Variants in DPP10 observed in about 807,000 individuals in gnomAD.
DPP10 encodes the protein inactive dipeptidyl peptidase 10.
Under a neutral mutation model 120.9 loss-of-function variants are expected in DPP10, and 33 were observed. The observed-to-expected ratio is 0.27, with a 90% CI of 0.21 to 0.37. The LOEUF (loss-of-function observed/expected upper bound fraction) is 0.37. DPP10 is among the 10% of genes least tolerant of loss of function. The pLI is 1.00. For missense variants in DPP10, 816 were observed against 942.8 expected, an observed-to-expected ratio of 0.87 and a Z score of 1.76; for synonymous variants, 337 against 326.1, an observed-to-expected ratio of 1.03 and a Z score of -0.36.
At chr2:114,853,179 G>C (rs1689102844) in intron 1 of DPP10, among the ~76,000 whole-genome samples, 1 of 152,178 alleles carries the variant, frequency 6.6e-6, no homozygotes, top group Non-Finnish European at 1.5e-5. Flanking sequence ...ATGATCTCTG[G>C]TAAGGGGCTT....
At chr2:115,611,105 G>A (rs559471958) in intron 5 of DPP10, among the ~76,000 whole-genome samples, 4 of 152,236 alleles carry the variant, frequency 2.6e-5, no homozygotes, top group South Asian at 2.1e-4. Context: ...CTCTGGAATT[G>A]TAGTGCATTT....
At chr2:115,191,060 G>C (rs1434145444) in intron 1 of DPP10, among the ~76,000 whole-genome samples, 2 of 152,154 alleles carry the variant, frequency 1.3e-5, no homozygotes, top group African/African-American at 4.8e-5. Flanking sequence ...GTCCTTCCCT[G>C]AGACTTCTGC....
chr2:115,538,814 A>C (rs2148954390), intron 5 of DPP10, among the ~76,000 whole-genome samples: 1 of 152,124 alleles, frequency 6.6e-6, no homozygotes, highest in Middle Eastern at 3.4e-3. Flanking sequence ...TCTATTGAGG[A>C]CTTGAAATGT....
chr2:114,562,934 C>G, intron 1 of DPP10, among the ~76,000 whole-genome samples: 1 of 152,164 alleles, frequency 6.6e-6, no homozygotes, highest in East Asian at 1.9e-4. Flanking sequence ...TTTAACTGTT[C>G]CATGGAAGCT....
In DPP10 at chr2:115,343,841, C is replaced by T. The variant is rs201138141; in HGVS notation, c.200C>T (p.Thr67Ile). 67 of 1,611,596 alleles carry T rather than the reference C, an allele frequency of 4.2e-5. No homozygotes were observed. The highest frequency in any genetic ancestry group is 5.3e-5 in the Non-Finnish European group (63 of 1,179,000). ...GATGAACTCACAAATTCGTCAGAAACCAGATTGTCTTTGGAAGACCTCTTT... is the reference window on the plus strand; with the variant it reads ...GATGAACTCACAAATTCGTCAGAAATCAGATTGTCTTTGGAAGACCTCTTT... ...TPDELTNSSE[T>I]RLSLEDLFRK... The change falls in exon 3 of 26, where the codon ACC becomes ATC. Residue 67 changes from threonine to isoleucine, a missense_variant. Transcript: ENST00000410059.
chr2:115,287,938 G>T (rs1222013767), intron 1 of DPP10, among the ~76,000 whole-genome samples: 2 of 152,004 alleles, frequency 1.3e-5, no homozygotes, highest in Non-Finnish European at 2.9e-5. Flanking sequence ...ACTTGGATTG[G>T]TTCTATATCT....
At chr2:115,058,181 A>T (rs181659183) in intron 1 of DPP10, among the ~76,000 whole-genome samples, 97 of 151,270 alleles carry the variant, frequency 6.4e-4, no homozygotes, top group African/African-American at 2.2e-3. Context: ...TTGATATCAT[A>T]GAACTTTCTT....
At chr2:115,480,800 T>A (rs907316373) in intron 3 of DPP10, among the ~76,000 whole-genome samples, 2 of 152,124 alleles carry the variant, frequency 1.3e-5, no homozygotes, top group Non-Finnish European at 2.9e-5. Flanking sequence ...AAAAATTGTA[T>A]GCGAAAAAAA....
chr2:115,232,779 A>G (rs1190684206), intron 1 of DPP10, among the ~76,000 whole-genome samples: 1 of 152,156 alleles, frequency 6.6e-6, no homozygotes, highest in Non-Finnish European at 1.5e-5. Flanking sequence ...AAACATTAAT[A>G]TTTTCTGGTA....
chr2:115,063,774 G>A (rs1258963342), intron 1 of DPP10, among the ~76,000 whole-genome samples: 1 of 152,140 alleles, frequency 6.6e-6, no homozygotes, highest in African/African-American at 2.4e-5. Context: ...ACTCAAGATG[G>A]ATTAAAGACT....
At position 114,844,462 on chromosome 2, in the gene DPP10, G is replaced by A. The variant is rs1352777485; in HGVS notation, c.60+401624G>A. ...GTATTACCAGGTTCTTGCTAAGGTT[G>A]AGAAATTCCCTTTTTGTGAATACAA... is the stretch of plus-strand genomic sequence containing the variant. On this transcript the variant is annotated intron_variant, in intron 1 of 25. Coordinates refer to ENST00000410059, the MANE Select transcript of DPP10 (RefSeq NM_020868.6). Among the ~76,000 whole-genome samples the A allele has an allele frequency of 5.3e-5, 8 of 151,470 alleles. No individual in the cohort carries two copies. The Admixed American group carries it at 5.3e-4, about 10-fold the overall frequency.
intron 1 of DPP10, among the ~76,000 whole-genome samples, chr2:114,789,781 T>A (rs1323261152): frequency 5.3e-5 from 8 of 152,236 alleles, no homozygotes; most frequent in Non-Finnish European, 1.0e-4. Flanking sequence ...CCCAAGGCAG[T>A]GTGATATACA....
chr2:115,502,996 C>T, intron 4 of DPP10, among the ~76,000 whole-genome samples: 1 of 151,994 alleles, frequency 6.6e-6, no homozygotes, highest in East Asian at 1.9e-4. Context: ...AGTCACAGAG[C>T]TTGGCCCCCT....
chr2:115,819,902 G>A (rs964808784), intron 21 of DPP10, among the ~76,000 whole-genome samples: 2 of 152,232 alleles, frequency 1.3e-5, no homozygotes, highest in Non-Finnish European at 2.9e-5. Context: ...GCTGAGGCAG[G>A]AGAATCGCTT....
chr2:114,942,400 C>CTCATATAT (rs1697025022), intron 1 of DPP10, among the ~76,000 whole-genome samples: 1 of 99,376 alleles, frequency 1.0e-5, no homozygotes, highest in Non-Finnish European at 2.2e-5. Flanking sequence ...TACACACACA[C>CTCATATAT]ACATATATAT....
At chr2:114,894,941 T>G (rs1158594233) in intron 1 of DPP10, among the ~76,000 whole-genome samples, 1 of 152,160 alleles carries the variant, frequency 6.6e-6, no homozygotes, top group Non-Finnish European at 1.5e-5. Context: ...ACTAATTCAG[T>G]TGAGTAAAAA....
intron 1 of DPP10, among the ~76,000 whole-genome samples, chr2:114,767,305 A>T (rs1258891669): frequency 6.8e-6 from 1 of 147,324 alleles, no homozygotes; most frequent in South Asian, 2.1e-4. Context: ...TATATATATA[A>T]ATATATAATA....
Position 114,446,914 on chromosome 2 carries a change from G to A in DPP10, c.60+4076G>A, listed in dbSNP as rs557735426. Among the ~76,000 whole-genome samples, 969 of 152,254 alleles carry A rather than the reference G, an allele frequency of 6.4e-3. 3 individuals carry two copies. Among genetic ancestry groups the A allele is most frequent in the Middle Eastern group, 0.014 (4 of 294 alleles). On this transcript the variant is annotated intron_variant, in intron 1 of 25. Transcript: ENST00000410059. ...ATGTATTGTTAAATACGTAGGCTTG[G>A]AACATGGTGGTTAGGAAATAATTTC...
chr2:114,713,570 C>T (rs1701162907), intron 1 of DPP10, among the ~76,000 whole-genome samples: 1 of 152,172 alleles, frequency 6.6e-6, no homozygotes, highest in Admixed American at 6.5e-5. Flanking sequence ...AGCAGTATGT[C>T]ACTCACCTTC....
Sources: gnomAD v4.1 joint callset for allele counts (sites outside exome capture counted in the v4.1 genomes callset) on GRCh38, gnomAD v4.1.1 for gene constraint, MANE v1.5 for transcripts, NCBI Gene and HGNC (gene_info 2026-07-23, HGNC 2026-07-21) for gene names.